Variants in TMEM132B observed in about 807,000 individuals in gnomAD.
The protein encoded by TMEM132B is transmembrane protein 132B.
A neutral mutation model predicts 90.8 loss-of-function variants in TMEM132B; 18 were observed. The observed-to-expected ratio is 0.20, with a 90% CI of 0.14 to 0.29. TMEM132B has a LOEUF of 0.29. Ranked by LOEUF, TMEM132B falls within the 10% of genes least tolerant of loss-of-function variation. TMEM132B has a pLI of 1.00. For synonymous variants in TMEM132B, 504 were observed against 523.3 expected, an observed-to-expected ratio of 0.96 and a Z score of 0.50; for missense variants, 1,096 against 1,326.8, an observed-to-expected ratio of 0.83 and a Z score of 2.70.
At chr12:125,354,394 C>T (rs1041851321) in intron 2 of TMEM132B, among the ~76,000 whole-genome samples, 2 of 152,140 alleles carry the variant, frequency 1.3e-5, no homozygotes, top group Non-Finnish European at 2.9e-5. Flanking sequence ...GAAGATTTAG[C>T]AAATTAGAAC....
intron 4 of TMEM132B, among the ~76,000 whole-genome samples, chr12:125,542,025 CAAAA>C (rs71306285): frequency 8.6e-5 from 2 of 23,302 alleles, no homozygotes; most frequent in African/African-American, 1.9e-4. Context: ...ACCCCCGTCT[CAAAA>C]AAAAAAAAAA....
In TMEM132B at chr12:125,432,473, A is replaced by G. The variant is rs1228980944; in HGVS notation, c.1106+16796A>G. Among the ~76,000 whole-genome samples, 17 of 86,952 alleles carry G rather than the reference A, an allele frequency of 2.0e-4. 2 individuals carry two copies. Among genetic ancestry groups the G allele is most frequent in the Admixed American group, 8.8e-4 (7 of 7,950 alleles). The allele number at this position is 86,952 out of a possible 152,430, so 57.0% of individuals were successfully genotyped here. ...TATATATGTATGTGTATATATATGT[A>G]TGTGTATATATATGTATGTGTATAT... is the stretch of plus-strand genomic sequence containing the variant. On this transcript the variant is annotated intron_variant, in intron 3 of 8. Coordinates refer to ENST00000682704, the MANE Select transcript of TMEM132B (RefSeq NM_001366854.1).
chr12:125,357,698 G>A (rs1877825517), intron 2 of TMEM132B, among the ~76,000 whole-genome samples: 2 of 152,214 alleles, frequency 1.3e-5, no homozygotes, highest in African/African-American at 4.8e-5. Context: ...AGAGGCCAGG[G>A]CCACACTGAG....
At chr12:125,360,585 C>T (rs1877928563) in intron 2 of TMEM132B, among the ~76,000 whole-genome samples, 1 of 152,152 alleles carries the variant, frequency 6.6e-6, no homozygotes, top group Non-Finnish European at 1.5e-5. Context: ...TTTGAGGAAA[C>T]AGACATTCTT....
In TMEM132B at chr12:125,344,045, A is replaced by G. The variant is rs1877280157; in HGVS notation, c.68-5407A>G. ...ATCTATTTAATTTCTCCTGCTAGGT[A>G]CTGGAGATTGTGCCGTAAACTGGAC... On this transcript the variant is annotated intron_variant, in intron 1 of 8. Transcript: ENST00000682704. Among the ~76,000 whole-genome samples, 4 of 152,328 alleles carry G rather than the reference A, an allele frequency of 2.6e-5. No individual in the cohort carries two copies. The South Asian group carries it at 8.3e-4, about 32-fold the overall frequency.
intron 6 of TMEM132B, among the ~76,000 whole-genome samples, chr12:125,648,549 T>TC (rs1188505776): frequency 1.4e-4 from 20 of 146,484 alleles, no homozygotes; most frequent in African/African-American, 4.8e-4. Context: ...TTTTTTTCTG[T>TC]TGTTGTTGTT....
intron 3 of TMEM132B, among the ~76,000 whole-genome samples, chr12:125,473,201 T>G (rs1475222064): frequency 6.6e-6 from 1 of 152,040 alleles, no homozygotes; most frequent in Admixed American, 6.6e-5. Flanking sequence ...CACTTGCTGT[T>G]CCCCCTTCCA....
At chr12:125,551,423 A>G (rs1884225716) in intron 4 of TMEM132B, among the ~76,000 whole-genome samples, 1 of 152,172 alleles carries the variant, frequency 6.6e-6, no homozygotes, top group South Asian at 2.1e-4. Context: ...TTTTGTACCA[A>G]TGATGTGGAA....
Position 125,251,747 on chromosome 12 carries a change from C to T in TMEM132B, c.67+64881C>T, listed in dbSNP as rs573933067. On this transcript the variant is annotated intron_variant, in intron 1 of 8. Coordinates refer to ENST00000682704, the MANE Select transcript of TMEM132B (RefSeq NM_001366854.1). The surrounding 1 kb of genome is among the most constrained non-coding windows in gnomAD (Gnocchi z 4.4). ...GTTTATTGGTTCTGTTTGGGAGTAA[C>T]GAGCCCAGTGTTGCCAGAGCTGATT... Among the ~76,000 whole-genome samples the T allele has an allele frequency of 5.9e-5, 9 of 152,236 alleles. No individual in the cohort carries two copies. Among genetic ancestry groups the T allele is most frequent in the African/African-American group, 1.7e-4 (7 of 41,532 alleles).
At position 125,498,027 on chromosome 12, in the gene TMEM132B, C is replaced by T. The variant is rs1441626763; in HGVS notation, c.1107-21412C>T. Among the ~76,000 whole-genome samples the T allele has an allele frequency of 1.3e-5, 2 of 152,132 alleles. No individual in the cohort carries two copies. Among genetic ancestry groups the T allele is most frequent in the Non-Finnish European group, 2.9e-5 (2 of 68,028 alleles). ...ATCCTGACTGTCATCCTTCACCACGCCAAAGGGGAAGAGAGCCCTGAAATT... is the reference window on the plus strand; with the variant it reads ...ATCCTGACTGTCATCCTTCACCACGTCAAAGGGGAAGAGAGCCCTGAAATT... On this transcript the variant is annotated intron_variant, in intron 3 of 8. Transcript: ENST00000682704. The surrounding 1 kb of genome is among the most constrained non-coding windows in gnomAD (Gnocchi z 4.5).
intron 3 of TMEM132B, among the ~76,000 whole-genome samples, chr12:125,497,897 C>T (rs1882599697): frequency 6.6e-6 from 1 of 152,180 alleles, no homozygotes; most frequent in Non-Finnish European, 1.5e-5. Flanking sequence ...GCATGACTGA[C>T]AGGTGCAGTG....
rs183367847 is a variant in TMEM132B at position 125,402,442 on chromosome 12, G to A, written c.960-13089G>A. Among the ~76,000 whole-genome samples the A allele has an allele frequency of 7.5e-3, 1,145 of 152,338 alleles. 10 individuals are homozygous for A. The highest frequency in any genetic ancestry group is 0.017 in the Middle Eastern group (5 of 294). On this transcript the variant is annotated intron_variant, in intron 2 of 8. Coordinates refer to ENST00000682704, the MANE Select transcript of TMEM132B (RefSeq NM_001366854.1). ...CCTGCCCACTTTGGGCTTTCAAAGT[G>A]TTGGGATTACCGGCATGAATCACCA...
At chr12:125,584,646 G>A (rs1397462135) in intron 5 of TMEM132B, 4 of 152,136 alleles carry the variant, frequency 2.6e-5, no homozygotes, top group African/African-American at 4.8e-5. Flanking sequence ...TTAGGAAATG[G>A]GACATTTCTG....
At chr12:125,624,468 T>C (rs1201710872) in intron 5 of TMEM132B, among the ~76,000 whole-genome samples, 1 of 152,128 alleles carries the variant, frequency 6.6e-6, no homozygotes, top group African/African-American at 2.4e-5. Flanking sequence ...AGGACTTATA[T>C]CACCATCCAA....
chr12:125,281,443 G>A (rs1348237553), intron 1 of TMEM132B, among the ~76,000 whole-genome samples: 1 of 152,150 alleles, frequency 6.6e-6, no homozygotes, highest in Non-Finnish European at 1.5e-5. Flanking sequence ...AAAAAAACCA[G>A]GCTTCGAAAG....
chr12:125,336,462 C>T (rs1479288513), intron 1 of TMEM132B, among the ~76,000 whole-genome samples: 1 of 152,190 alleles, frequency 6.6e-6, no homozygotes, highest in Non-Finnish European at 1.5e-5. Flanking sequence ...CTGAAGCCAG[C>T]CTATGCCAGC....
chr12:125,411,632 A>T (rs1270003451), intron 2 of TMEM132B, among the ~76,000 whole-genome samples: 1 of 152,036 alleles, frequency 6.6e-6, no homozygotes, highest in Non-Finnish European at 1.5e-5. Context: ...GGCTGCTAGG[A>T]TGGGCTGTCA....
intron 1 of TMEM132B, among the ~76,000 whole-genome samples, chr12:125,199,007 A>T (rs1467977160): frequency 6.6e-6 from 1 of 152,270 alleles, no homozygotes; most frequent in Non-Finnish European, 1.5e-5. Context: ...TTAGAGTAGC[A>T]TCTGGTCTTT....
At chr12:125,398,951 A>G (rs1198600114) in intron 2 of TMEM132B, among the ~76,000 whole-genome samples, 1 of 152,174 alleles carries the variant, frequency 6.6e-6, no homozygotes, top group Non-Finnish European at 1.5e-5. Context: ...AGTTGTTGGC[A>G]GAATTTATTT....
Sources: gnomAD v4.1 joint callset for allele counts (sites outside exome capture counted in the v4.1 genomes callset) on GRCh38, gnomAD v4.1.1 for gene constraint, Gnocchi (gnomAD v3.1) non-coding constraint, MANE v1.5 for transcripts, NCBI Gene and HGNC (gene_info 2026-07-23, HGNC 2026-07-21) for gene names.